Variants in KIAA0319 observed in about 807,000 individuals in gnomAD.
KIAA0319 encodes KIAA0319, also known as dyslexia-associated protein KIAA0319.
A neutral mutation model predicts 108.4 loss-of-function variants in KIAA0319; 83 were observed. The ratio of observed to expected loss-of-function variants is 0.77; its 90% CI spans 0.64 to 0.92. KIAA0319 has a LOEUF of 0.92. Ranked by LOEUF, KIAA0319 falls within the 40% of genes least tolerant of loss-of-function variation. KIAA0319 has a pLI of 0.00. For missense variants in KIAA0319, 1,195 were observed against 1,322.4 expected, an observed-to-expected ratio of 0.90 and a Z score of 1.49; for synonymous variants, 484 against 510.4, an observed-to-expected ratio of 0.95 and a Z score of 0.70.
chr6:24,582,474 CTTTTT>C (rs72007936), intron 5 of KIAA0319, 128 bp from the exon 6 acceptor site: 2 of 218,524 alleles, frequency 9.2e-6, no homozygotes, highest in South Asian at 2.6e-4. Flanking sequence ...ACTCAGCTTT[CTTTTT>C]TTTTTTTAAC....
chr6:24,551,654 A>G (rs1036461966), intron 19 of KIAA0319, 129 bp from the exon 20 acceptor site: 2 of 648,704 alleles, frequency 3.1e-6, no homozygotes, highest in African/African-American at 3.7e-5. Flanking sequence ...GTCTTTTATT[A>G]AAGAAACATA....
intron 20 of KIAA0319, among the ~76,000 whole-genome samples, chr6:24,547,813 G>T (rs1258150287): frequency 6.6e-6 from 1 of 152,210 alleles, no homozygotes; most frequent in African/African-American, 2.4e-5. Flanking sequence ...CTAAGATACA[G>T]AACAGGTATA....
chr6:24,593,637 G>T (rs1055869194), intron 3 of KIAA0319, among the ~76,000 whole-genome samples: 24 of 150,956 alleles, frequency 1.6e-4, no homozygotes, highest in African/African-American at 5.6e-4. Context: ...TCCTGACCTC[G>T]TGATCCACCC....
In KIAA0319 at chr6:24,579,410, A is replaced by ATATATATATATATATATATATATATATAT. The variant is rs1561981471; in HGVS notation, c.1372+447_1372+448insATATATATATATATATATATATATATATA. On this transcript the variant is annotated intron_variant, in intron 8 of 20. Transcript: ENST00000378214. ...CAGGTCACGGGAGCTCCTCTATATA[A>ATATATATATATATATATATATATATATAT]AGATATATATATATATATATATCTT... Among the ~76,000 whole-genome samples the ATATATATATATATATATATATATATATAT allele has an allele frequency of 3.4e-5, 3 of 88,004 alleles. 1 individual carries two copies. Among genetic ancestry groups the ATATATATATATATATATATATATATATAT allele is most frequent in the African/African-American group, 1.3e-4 (2 of 15,988 alleles). The allele number at this position is 88,004 out of a possible 152,430, so 57.7% of individuals were successfully genotyped here.
chr6:24,610,781 CA>C (rs887631247), intron 1 of KIAA0319, among the ~76,000 whole-genome samples: 105 of 145,294 alleles, frequency 7.2e-4, no homozygotes, highest in African/African-American at 2.5e-3. Context: ...TCCCTCAAAA[CA>C]AAAAAAAAAT....
rs529788093 is a variant in KIAA0319, at chr6:24,596,609, C to T, written c.65G>A (p.Arg22His). 4.9e-5 allele frequency: 78 copies of T among 1,602,154 alleles called. No homozygotes were observed. The highest frequency in any genetic ancestry group is 6.3e-5 in the Non-Finnish European group (74 of 1,171,974). Reference sequence around the variant, plus strand: ...TGTCCTCCCCTCGCTGCACTGCTTACGGGCACAACCTTTAAACAAAGTAGT... The same window carrying T: ...TGTCCTCCCCTCGCTGCACTGCTTATGGGCACAACCTTTAAACAAAGTAGT... ...LLLVTIAGCA[R>H]KQCSEGRTYS... Residue 22 changes from arginine (R) to histidine (H), a missense_variant, in exon 3 of 21, where the codon CGT becomes CAT. Physicochemically the swap from Arg to His is conservative, Grantham distance 29. Coordinates refer to ENST00000378214, the MANE Select transcript of KIAA0319 (RefSeq NM_014809.4).
intron 1 of KIAA0319, among the ~76,000 whole-genome samples, chr6:24,609,541 A>C (rs935248096): frequency 6.6e-6 from 1 of 152,094 alleles, no homozygotes; most frequent in Non-Finnish European, 1.5e-5. Context: ...ACGCCACTGC[A>C]CTCCAGCCTG....
intron 1 of KIAA0319, among the ~76,000 whole-genome samples, chr6:24,607,963 A>G (rs2127546420): frequency 6.6e-6 from 1 of 152,344 alleles, no homozygotes; most frequent in East Asian, 1.9e-4. Flanking sequence ...TGCCAATTTA[A>G]GTCTCAAGGA....
chr6:24,594,423 C>T (rs1277878276), intron 3 of KIAA0319, among the ~76,000 whole-genome samples: 1 of 151,316 alleles, frequency 6.6e-6, no homozygotes, highest in Non-Finnish European at 1.5e-5. Flanking sequence ...GTCAGGAGTT[C>T]GAAGCCAGCC....
chr6:24,588,530 C>A, intron 4 of KIAA0319, 63 bp downstream of exon 4: 1 of 1,431,350 alleles, frequency 7.0e-7, no homozygotes, highest in South Asian at 1.2e-5. Flanking sequence ...TAAAAGTTGT[C>A]ACCACCAAAT....
At position 24,576,589 on chromosome 6, in the gene KIAA0319, C is replaced by T. The variant is rs761470774; in HGVS notation, c.1513G>A (p.Val505Ile). 3.7e-6 allele frequency: 6 copies of T among 1,613,364 alleles called. No individual in the cohort carries two copies. In the South Asian group the frequency reaches 5.5e-5, roughly 15 times the overall value. The change falls in exon 10 of 21, where the codon GTT (valine) becomes ATT (isoleucine). Residue 505 changes from valine (V) to isoleucine (I), a missense_variant. Transcript: ENST00000378214. ...DPGNYSFRLT[V>I]TDSDGATNST... Reference sequence around the variant, plus strand: ...TTAGTGGCTCCGTCCGAGTCTGTAACAGTCAACCTACAAAAAGGAGAAGAA... The same window carrying T: ...TTAGTGGCTCCGTCCGAGTCTGTAATAGTCAACCTACAAAAAGGAGAAGAA...
At chr6:24,639,027 C>T (rs1257110462) in intron 1 of KIAA0319, among the ~76,000 whole-genome samples, 2 of 152,104 alleles carry the variant, frequency 1.3e-5, no homozygotes, top group Admixed American at 6.5e-5. Context: ...AATATCAAAA[C>T]ATCACATCTT....
intron 1 of KIAA0319, among the ~76,000 whole-genome samples, chr6:24,615,512 TAGTC>T (rs1260114905): frequency 1.3e-5 from 2 of 152,038 alleles, no homozygotes; most frequent in African/African-American, 2.4e-5. Flanking sequence ...AAAGGGAAAT[TAGTC>T]AGGTGAGACA....
chr6:24,560,615 C>T (rs1762982272), intron 16 of KIAA0319, among the ~76,000 whole-genome samples: 1 of 152,162 alleles, frequency 6.6e-6, no homozygotes, highest in Non-Finnish European at 1.5e-5. Flanking sequence ...GGCCAGAAGT[C>T]CAAAATCAAA....
chr6:24,558,352 GAT>G (rs767153802), intron 17 of KIAA0319, among the ~76,000 whole-genome samples: 1 of 129,082 alleles, frequency 7.7e-6, no homozygotes, highest in Admixed American at 8.4e-5. Context: ...ATTGTAGATG[GAT>G]ATATATATAT....
At chr6:24,592,386 A>G (rs896567086) in intron 3 of KIAA0319, among the ~76,000 whole-genome samples, 1 of 152,224 alleles carries the variant, frequency 6.6e-6, no homozygotes, top group Non-Finnish European at 1.5e-5. Context: ...TTCTGTCATC[A>G]ATTCCAAACT....
At chr6:24,627,871 T>C (rs964124093) in intron 1 of KIAA0319, among the ~76,000 whole-genome samples, 1 of 152,196 alleles carries the variant, frequency 6.6e-6, no homozygotes, top group Non-Finnish European at 1.5e-5. Context: ...TCATTTATAG[T>C]CACTATTCAA....
At chr6:24,608,599 G>T (rs1771781887) in intron 1 of KIAA0319, among the ~76,000 whole-genome samples, 2 of 152,056 alleles carry the variant, frequency 1.3e-5, no homozygotes, top group South Asian at 2.1e-4. Context: ...TTCAATAAAT[G>T]GATCCAAATA....
intron 1 of KIAA0319, among the ~76,000 whole-genome samples, chr6:24,607,765 A>G (rs1013600737): frequency 1.3e-5 from 2 of 152,248 alleles, no homozygotes; most frequent in Non-Finnish European, 2.9e-5. Flanking sequence ...CTCATCTACT[A>G]ATAGTAACAA....
Sources: allele counts gnomAD v4.1 joint callset (sites outside exome capture counted in the v4.1 genomes callset), GRCh38; gene constraint gnomAD v4.1.1; transcripts MANE v1.5; gene names NCBI Gene and HGNC (gene_info 2026-07-23, HGNC 2026-07-21).